GRK4: variants seen among roughly 807,000 people sequenced by gnomAD.
GRK4 encodes the protein G protein-coupled receptor kinase 2-like.
GRK4 carries 73 observed loss-of-function variants against 77.9 expected under a neutral mutation model. The observed-to-expected ratio is 0.94, with a 90% CI of 0.78 to 1.14. GRK4 has a LOEUF of 1.14. GRK4 is among the 50% of genes most tolerant of loss of function. GRK4 has a pLI of 0.00. For missense variants in GRK4, 729 were observed against 700.2 expected, an observed-to-expected ratio of 1.04 and a Z score of -0.46; for synonymous variants, 257 against 254.4, an observed-to-expected ratio of 1.01 and a Z score of -0.10.
chr4:2,999,389 T>G (rs1463626218), intron 4 of GRK4, among the ~76,000 whole-genome samples: 4 of 152,176 alleles, frequency 2.6e-5, no homozygotes, highest in African/African-American at 9.7e-5. Context: ...TATCACCTTT[T>G]TAAAGGTCCC....
At chr4:2,989,854 C>T (rs1317146325) in intron 3 of GRK4, among the ~76,000 whole-genome samples, 3 of 152,030 alleles carry the variant, frequency 2.0e-5, no homozygotes, top group Non-Finnish European at 4.4e-5. Context: ...TTGTGGGTAC[C>T]ATTGGGAAGC....
chr4:2,979,174 G>A (rs1463653561), intron 1 of GRK4, among the ~76,000 whole-genome samples: 4 of 151,418 alleles, frequency 2.6e-5, no homozygotes, highest in Non-Finnish European at 4.4e-5. Context: ...GCAGTGAGCC[G>A]AGATCGCGCC....
In GRK4 at chr4:3,005,486, C is replaced by T. The variant is rs551090703; in HGVS notation, c.443+1152C>T. Among the ~76,000 whole-genome samples, 94 of 152,216 alleles carry T rather than the reference C, an allele frequency of 6.2e-4. 1 individual carries two copies. The highest frequency in any genetic ancestry group is 5.4e-4 in the Non-Finnish European group (37 of 68,020). ...GTGGGGCTGGGGCTGGACCCTGATG[C>T]TTTAATGATGCGGCTGCCTCTAAAA... On this transcript the variant is annotated intron_variant, in intron 5 of 15. Coordinates refer to ENST00000398052, the MANE Select transcript of GRK4 (RefSeq NM_182982.3).
intron 1 of GRK4, among the ~76,000 whole-genome samples, chr4:2,974,040 G>A (rs1720391006): frequency 6.6e-6 from 1 of 152,110 alleles, no homozygotes; most frequent in Non-Finnish European, 1.5e-5. Context: ...CTTGGAGACA[G>A]GGTCTCGCTA....
At chr4:3,014,855 G>A (rs1325287256) in intron 8 of GRK4, among the ~76,000 whole-genome samples, 1 of 152,088 alleles carries the variant, frequency 6.6e-6, no homozygotes, top group Non-Finnish European at 1.5e-5. Flanking sequence ...TTGAACTCCT[G>A]GGCTCAAGTG....
chr4:3,030,408 T>A (rs1034479667), intron 12 of GRK4, among the ~76,000 whole-genome samples: 1 of 152,078 alleles, frequency 6.6e-6, no homozygotes, highest in Non-Finnish European at 1.5e-5. Context: ...TAAACCAGTA[T>A]TTTTTTAGCA....
At chr4:3,011,339 G>A (rs1308959845) in intron 7 of GRK4, among the ~76,000 whole-genome samples, 2 of 152,110 alleles carry the variant, frequency 1.3e-5, no homozygotes, top group East Asian at 1.9e-4. Flanking sequence ...CTAGCACTTC[G>A]GGAGGCCAAG....
intron 6 of GRK4, among the ~76,000 whole-genome samples, chr4:3,009,216 T>A (rs949562780): frequency 2.0e-5 from 3 of 150,720 alleles, no homozygotes; most frequent in Non-Finnish European, 3.0e-5. Context: ...AGGTCAGGAG[T>A]TCGAGACCAG....
At chr4:2,971,678 T>C (rs1719585700) in intron 1 of GRK4, among the ~76,000 whole-genome samples, 1 of 152,244 alleles carries the variant, frequency 6.6e-6, no homozygotes, top group Non-Finnish European at 1.5e-5. Context: ...AGACATTTAT[T>C]GTCTCACAGT....
At chr4:2,988,136 T>C (rs1318639976) in intron 2 of GRK4, among the ~76,000 whole-genome samples, 2 of 150,308 alleles carry the variant, frequency 1.3e-5, no homozygotes, top group African/African-American at 2.5e-5. Context: ...GTTTAACTTT[T>C]TGAGGAACGC....
chr4:3,040,475 A>T (rs1742097014), intron 15 of GRK4, 97 bp from the exon 16 acceptor site: 4 of 829,120 alleles, frequency 4.8e-6, no homozygotes, highest in Non-Finnish European at 7.4e-6. Flanking sequence ...ATAAAAAAGC[A>T]CCCCCCACCC....
At chr4:3,030,968 A>G (rs1429934187) in intron 12 of GRK4, among the ~76,000 whole-genome samples, 1 of 152,144 alleles carries the variant, frequency 6.6e-6, no homozygotes, top group Non-Finnish European at 1.5e-5. Flanking sequence ...GATTCAGGTG[A>G]GAGTAAAGGT....
intron 1 of GRK4, among the ~76,000 whole-genome samples, chr4:2,968,960 A>G (rs1268267547): frequency 1.3e-5 from 2 of 152,156 alleles, no homozygotes; most frequent in Non-Finnish European, 2.9e-5. Flanking sequence ...CTAAGGGGGA[A>G]CCAGGCAGCT....
At position 3,004,290 on chromosome 4, in the gene GRK4, G is replaced by C; in HGVS notation, c.399G>C (p.Leu133=). The C allele has an allele frequency of 6.2e-7, 1 of 1,613,796 alleles. No homozygotes were observed. Among genetic ancestry groups the C allele is most frequent in the Non-Finnish European group, 8.5e-7 (1 of 1,179,682 alleles). ...PDVVTECRLG[L]KEENPSKKAF... is the part of the protein sequence containing the mutation. Reference sequence around the variant, plus strand: ...TTGTGACAGAATGTAGATTGGGACTGAAGGAGGAGAACCCTTCCAAAAAAG... The same window carrying C: ...TTGTGACAGAATGTAGATTGGGACTCAAGGAGGAGAACCCTTCCAAAAAAG... Residue 133 remains leucine, a synonymous_variant, in exon 5 of 16, where the codon CTG becomes CTC. Transcript: ENST00000398052.
intron 11 of GRK4, 140 bp downstream of exon 11, chr4:3,028,141 T>C: frequency 1.4e-6 from 1 of 704,534 alleles, no homozygotes; most frequent in Non-Finnish European, 2.5e-6. Flanking sequence ...TTTGAATCTC[T>C]AACCTGTCAG....
At chr4:2,992,153 A>T in intron 3 of GRK4, 62 bp from the exon 4 acceptor site, 2 of 1,161,052 alleles carry the variant, frequency 1.7e-6, no homozygotes, top group Non-Finnish European at 2.6e-6. Context: ...GGCTGGAACT[A>T]CAGGTATGCA....
intron 9 of GRK4, among the ~76,000 whole-genome samples, chr4:3,020,920 A>G (rs1735904169): frequency 6.6e-6 from 1 of 152,200 alleles, no homozygotes; most frequent in South Asian, 2.1e-4. Context: ...TATCATTTAC[A>G]TTGTGTCCGG....
intron 1 of GRK4, among the ~76,000 whole-genome samples, chr4:2,984,156 G>A (rs1723593690): frequency 6.6e-6 from 1 of 152,138 alleles, no homozygotes; most frequent in African/African-American, 2.4e-5. Context: ...ACCATCATAT[G>A]CCTAGTGCTT....
chr4:2,989,553 G>C (rs1340850286), intron 3 of GRK4, among the ~76,000 whole-genome samples: 3 of 152,092 alleles, frequency 2.0e-5, no homozygotes, highest in African/African-American at 7.2e-5. Flanking sequence ...CACCTGCCTT[G>C]GCCCCCCAAA....
Sources: allele counts gnomAD v4.1 joint callset (sites outside exome capture counted in the v4.1 genomes callset), GRCh38; gene constraint gnomAD v4.1.1; transcripts MANE v1.5; gene names NCBI Gene and HGNC (gene_info 2026-07-23, HGNC 2026-07-21).